Variants in FRAS1 observed in about 807,000 individuals in gnomAD.
FRAS1 encodes Fraser extracellular matrix complex subunit 1.
FRAS1 carries 290 observed loss-of-function variants against 435.2 expected under a neutral mutation model. That is an observed-to-expected ratio of 0.67 (90% CI 0.61 to 0.73). FRAS1 has a LOEUF of 0.73. Ranked by LOEUF, FRAS1 falls within the 30% of genes least tolerant of loss-of-function variation. FRAS1 has a pLI of 0.00. For synonymous variants in FRAS1, 1,800 were observed against 1,851.0 expected, an observed-to-expected ratio of 0.97 and a Z score of 0.71; for missense variants, 4,860 against 5,001.5, an observed-to-expected ratio of 0.97 and a Z score of 0.85.
chr4:78,344,886 C>T (rs1177487501), intron 20 of FRAS1, among the ~76,000 whole-genome samples: 3 of 152,178 alleles, frequency 2.0e-5, no homozygotes, highest in Non-Finnish European at 4.4e-5. Context: ...CCAATACATA[C>T]ATACGTGCAT....
intron 44 of FRAS1, among the ~76,000 whole-genome samples, 175 bp downstream of exon 44, chr4:78,448,491 T>C (rs1303299316): frequency 1.3e-5 from 2 of 152,192 alleles, no homozygotes; most frequent in Non-Finnish European, 2.9e-5. Context: ...TAAGAATTGT[T>C]AGTGACAAAT....
chr4:78,102,918 T>C (rs868275702), intron 2 of FRAS1, among the ~76,000 whole-genome samples: 2 of 152,322 alleles, frequency 1.3e-5, no homozygotes, highest in African/African-American at 2.4e-5. Context: ...CTTTTGGAAA[T>C]GGCATGGGGT....
chr4:78,072,072 C>G (rs960665884), intron 2 of FRAS1: 1 of 151,212 alleles, frequency 6.6e-6, no homozygotes, highest in Non-Finnish European at 1.5e-5. Flanking sequence ...TGTTATGGAT[C>G]AATGCTTTCT....
chr4:78,432,208 T>A (rs562901961), intron 37 of FRAS1, 149 bp from the exon 38 acceptor site: 2 of 603,166 alleles, frequency 3.3e-6, no homozygotes, highest in South Asian at 4.6e-5. Flanking sequence ...GTAAAGGGAA[T>A]CCTATAGTAG....
At chr4:78,134,974 T>A (rs1271856630) in intron 2 of FRAS1, among the ~76,000 whole-genome samples, 2 of 152,170 alleles carry the variant, frequency 1.3e-5, no homozygotes, top group African/African-American at 2.4e-5. Context: ...ATTATTTTTT[T>A]AAAATCCGAA....
chr4:78,280,669 T>G (rs1191084089), intron 10 of FRAS1, among the ~76,000 whole-genome samples: 1 of 151,988 alleles, frequency 6.6e-6, no homozygotes, highest in Admixed American at 6.6e-5. Flanking sequence ...TGTGTAGTGT[T>G]AACAGTGCAG....
intron 2 of FRAS1, among the ~76,000 whole-genome samples, chr4:78,173,296 C>CA (rs1227486075): frequency 6.6e-6 from 1 of 152,236 alleles, no homozygotes; most frequent in African/African-American, 2.4e-5. Context: ...TCCCATACCC[C>CA]AAGCCTCTTG....
Position 78,315,631 on chromosome 4 carries a change from C to A in FRAS1, c.1716C>A (p.Ser572Arg), listed in dbSNP as rs756854613. Residue 572 changes from serine to arginine, a missense_variant, in exon 16 of 74, where the codon AGC (serine) becomes AGA (arginine). Physicochemically the swap from Ser to Arg is moderately radical, Grantham distance 110. Transcript: ENST00000512123. ...DQSCDSCGPSSPRCLTCTEKT... is the reference protein window; with the variant it reads ...DQSCDSCGPSRPRCLTCTEKT... The stretch of plus-strand genomic sequence containing the variant: ...CCTGTGACAGTTGTGGCCCCAGTAG[C>A]CCCAGGTGTCTTACCTGTACTGAGA... The A allele has an allele frequency of 6.2e-7, 1 of 1,613,506 alleles. No homozygotes were observed. Among genetic ancestry groups the A allele is most frequent in the Non-Finnish European group, 8.5e-7 (1 of 1,179,700 alleles).
chr4:78,540,779 C>T lies in FRAS1; in HGVS notation c.11694C>T (p.Ser3898=). The T allele has an allele frequency of 1.9e-6, 3 of 1,613,818 alleles. No individual in the cohort carries two copies. The highest frequency in any genetic ancestry group is 2.5e-6 in the Non-Finnish European group (3 of 1,179,790). ...TGCAAGAGTTGGCGGTAGCTGCGTC[C>T]CTGTCACAGACTGGGGCGTCCATTG... is the stretch of plus-strand genomic sequence containing the variant. The part of the protein sequence containing the change: ...LEMQELAVAA[S]LSQTGASIGS... Residue 3898 remains serine, a synonymous_variant, in exon 74 of 74, where the codon TCC becomes TCT. Transcript: ENST00000512123.
At chr4:78,244,609 T>A (rs139247153) in intron 3 of FRAS1, among the ~76,000 whole-genome samples, 1 of 152,308 alleles carries the variant, frequency 6.6e-6, no homozygotes, top group African/African-American at 2.4e-5. Flanking sequence ...GGGTATCAGG[T>A]GGTGGCCTAT....
At chr4:78,368,681 T>A (rs1048924324) in intron 22 of FRAS1, among the ~76,000 whole-genome samples, 1 of 152,184 alleles carries the variant, frequency 6.6e-6, no homozygotes, top group South Asian at 2.1e-4. Context: ...GAAATTGCTA[T>A]ACATGGCATG....
intron 70 of FRAS1, among the ~76,000 whole-genome samples, chr4:78,527,435 G>A (rs1416900678): frequency 2.6e-5 from 4 of 152,154 alleles, no homozygotes; most frequent in Non-Finnish European, 4.4e-5. Context: ...AAAGTAATCC[G>A]TGCTCTCAGG....
chr4:78,068,147 A>G (rs1206727816), intron 2 of FRAS1, among the ~76,000 whole-genome samples: 1 of 152,240 alleles, frequency 6.6e-6, no homozygotes, highest in Non-Finnish European at 1.5e-5. Flanking sequence ...ATCTGTGAAC[A>G]AACAGATGAA....
intron 2 of FRAS1, among the ~76,000 whole-genome samples, chr4:78,235,984 G>A (rs1209296737): frequency 1.3e-5 from 2 of 152,166 alleles, no homozygotes; most frequent in African/African-American, 2.4e-5. Context: ...AGTGCATGCA[G>A]GAAAAAGTGA....
intron 2 of FRAS1, among the ~76,000 whole-genome samples, chr4:78,101,643 A>G (rs1275710775): frequency 6.6e-6 from 1 of 152,216 alleles, no homozygotes; most frequent in African/African-American, 2.4e-5. Flanking sequence ...GAGAATTTCC[A>G]GGCCTGATAT....
intron 20 of FRAS1, among the ~76,000 whole-genome samples, chr4:78,343,580 C>T (rs576842612): frequency 4.6e-5 from 7 of 152,296 alleles, no homozygotes; most frequent in African/African-American, 1.7e-4. Context: ...CATAAATAAA[C>T]ACTTTTGAGT....
Position 78,464,480 on chromosome 4 carries a change from A to G in FRAS1, c.6926A>G (p.Asp2309Gly), listed in dbSNP as rs1719465236. Residue 2309 changes from aspartate (D) to glycine (G), a missense_variant, in exon 49 of 74, where the codon GAT becomes GGT. Transcript: ENST00000512123. ...TTCCATATCACTCTTCACCCTGTCG[A>G]TGATTCGCTGCCCGTCGTACAGAAC... ...QTFHITLHPV[D>G]DSLPVVQNLG... The G allele has an allele frequency of 6.2e-7, 1 of 1,613,988 alleles. No homozygotes were observed. The highest frequency in any genetic ancestry group is 8.5e-7 in the Non-Finnish European group (1 of 1,179,862).
intron 2 of FRAS1, among the ~76,000 whole-genome samples, chr4:78,215,259 G>A (rs1488400940): frequency 6.6e-6 from 1 of 152,016 alleles, no homozygotes; most frequent in Non-Finnish European, 1.5e-5. Context: ...GCAATGGTGT[G>A]ATCTCTGCTC....
At chr4:78,419,439 G>A (rs1733679382) in intron 33 of FRAS1, among the ~76,000 whole-genome samples, 1 of 152,146 alleles carries the variant, frequency 6.6e-6, no homozygotes, top group South Asian at 2.1e-4. Context: ...ACAAAAATGA[G>A]CATATGTTCA....
Sources: gnomAD v4.1 joint callset for allele counts (sites outside exome capture counted in the v4.1 genomes callset) on GRCh38, gnomAD v4.1.1 for gene constraint, MANE v1.5 for transcripts, NCBI Gene and HGNC (gene_info 2026-07-23, HGNC 2026-07-21) for gene names.